The following PI4KB variants were observed in gnomAD, a reference collection of about 807,000 sequenced individuals.
The protein encoded by PI4KB is PtdIns 4-kinase beta.
A neutral mutation model predicts 81.4 loss-of-function variants in PI4KB; 23 were observed. The observed-to-expected ratio is 0.28, with a 90% CI of 0.20 to 0.40. The LOEUF (loss-of-function observed/expected upper bound fraction) is 0.40, where lower values mean the gene tolerates loss of function less well. Ranked by LOEUF, PI4KB falls within the 10% of genes least tolerant of loss-of-function variation. The pLI, the probability that PI4KB is intolerant of heterozygous loss-of-function variation, is 1.00. For synonymous variants in PI4KB, 381 were observed against 406.8 expected (o/e 0.94, Z 0.76); for missense variants, 651 against 1,036.6 (o/e 0.63, Z 5.11).
intron 1 of PI4KB, 134 bp downstream of exon 1, chr1:151,327,137 G>C: frequency 2.5e-6 from 1 of 394,032 alleles, no homozygotes. Context: ...AAGGAACCCG[G>C]GGTGCAGCTG....
At chr1:151,313,635 T>C (rs898530898) in intron 2 of PI4KB, among the ~76,000 whole-genome samples, 2 of 152,238 alleles carry the variant, frequency 1.3e-5, no homozygotes, top group Non-Finnish European at 2.9e-5. Context: ...TGGATGACTC[T>C]TCTTGTTCTG....
At chr1:151,314,755 G>C (rs956409371) in intron 2 of PI4KB, among the ~76,000 whole-genome samples, 2 of 152,206 alleles carry the variant, frequency 1.3e-5, no homozygotes, top group African/African-American at 4.8e-5. Flanking sequence ...TCAGAGGGTA[G>C]TGAAAAGGGA....
intron 1 of PI4KB, among the ~76,000 whole-genome samples, chr1:151,323,283 T>C (rs1463248361): frequency 6.6e-6 from 1 of 151,908 alleles, no homozygotes; most frequent in African/African-American, 2.4e-5. Context: ...GGCGGGTGGA[T>C]CACCTGAGGT....
In PI4KB at chr1:151,294,154, A is replaced by C. The variant is rs746096457; in HGVS notation, c.2149-16T>G. The C allele has an allele frequency of 7.5e-6, 12 of 1,608,684 alleles. No homozygotes were observed. Among genetic ancestry groups the C allele is most frequent in the Non-Finnish European group, 1.0e-5 (12 of 1,177,126 alleles). ...CGCCCATCACCTGGAAAGGGAAGAG[A>C]GCGTTGTGTGCACAAGGGGTCTTAC... On this transcript the variant is annotated splice_polypyrimidine_tract_variant and intron_variant, in intron 10 of 11. Transcript: ENST00000368873.
intron 2 of PI4KB, among the ~76,000 whole-genome samples, chr1:151,310,752 G>A (rs1696153340): frequency 6.6e-6 from 1 of 152,148 alleles, no homozygotes; most frequent in Non-Finnish European, 1.5e-5. Flanking sequence ...CAGGGAGGAA[G>A]AAAAGCTAAA....
At chr1:151,325,160 T>C (rs561450798) in intron 1 of PI4KB, among the ~76,000 whole-genome samples, 2 of 151,830 alleles carry the variant, frequency 1.3e-5, no homozygotes, top group South Asian at 4.2e-4. Context: ...CCCGGCTAAT[T>C]TTTTGTATTT....
At chr1:151,318,468 T>G (rs575770480) in intron 1 of PI4KB, among the ~76,000 whole-genome samples, 50 of 148,024 alleles carry the variant, frequency 3.4e-4, no homozygotes, top group Non-Finnish European at 6.8e-4. Context: ...ATCCCAGCAC[T>G]TTGGGAGGCT....
At chr1:151,293,786 T>C (rs1460129632) in intron 11 of PI4KB, 6 of 493,062 alleles carry the variant, frequency 1.2e-5, no homozygotes, top group Non-Finnish European at 2.2e-5. Flanking sequence ...TCCCTAAAGA[T>C]GCCAAGGAGG....
intron 3 of PI4KB, 104 bp from the exon 4 acceptor site, chr1:151,307,905 C>A (rs1695919558): frequency 3.7e-6 from 3 of 807,310 alleles, no homozygotes; most frequent in Non-Finnish European, 6.2e-6. Context: ...ACCCCACTAT[C>A]TGGAGAACTC....
chr1:151,321,596 G>A (rs1648849516), intron 1 of PI4KB, among the ~76,000 whole-genome samples: 1 of 151,862 alleles, frequency 6.6e-6, no homozygotes, highest in Non-Finnish European at 1.5e-5. Context: ...TTTGTGGGCA[G>A]GGCATGGTGG....
At chr1:151,324,419 G>C (rs1649328058) in intron 1 of PI4KB, among the ~76,000 whole-genome samples, 1 of 152,138 alleles carries the variant, frequency 6.6e-6, no homozygotes, top group Admixed American at 6.6e-5. Flanking sequence ...TGACCTCAAT[G>C]GTAAAGGTAG....
intron 1 of PI4KB, among the ~76,000 whole-genome samples, chr1:151,318,698 C>T (rs552141100): frequency 1.1e-4 from 17 of 148,020 alleles, no homozygotes; most frequent in East Asian, 3.9e-4. Flanking sequence ...GGCAACAGAG[C>T]GAAACTCTGT....
chr1:151,306,001 C>T, intron 5 of PI4KB, 135 bp downstream of exon 5: 1 of 639,464 alleles, frequency 1.6e-6, no homozygotes, highest in Non-Finnish European at 2.8e-6. Context: ...CCCCATATTA[C>T]CCCTCACTAC....
rs1247892104 is a variant in PI4KB at position 151,292,978 on chromosome 1, C to T, written c.2325G>A (p.Arg775=). ...GCTCCTCAGTCATGCTCATGTGGAACCTCTCTTTGAGGTTTCGAATGGTGC... is the reference window on the plus strand; with the variant it reads ...GCTCCTCAGTCATGCTCATGTGGAATCTCTCTTTGAGGTTTCGAATGGTGC... The part of the protein sequence containing the change: ...GSSTIRNLKE[R]FHMSMTEEQL... The change falls in exon 12 of 12, where the codon AGG becomes AGA. Residue 775 remains arginine, a synonymous_variant. Transcript: ENST00000368873. The T allele has an allele frequency of 7.4e-6, 12 of 1,614,088 alleles. No individual in the cohort carries two copies. The highest frequency in any genetic ancestry group is 1.3e-5 in the African/African-American group (1 of 74,922).
Position 151,292,940 on chromosome 1 carries a change from A to T in PI4KB, c.2363T>A (p.Leu788Gln). The T allele has an allele frequency of 6.2e-7, 1 of 1,614,196 alleles. No individual in the cohort carries two copies. Among genetic ancestry groups the T allele is most frequent in the Non-Finnish European group, 8.5e-7 (1 of 1,180,040 alleles). ...MSMTEEQLQL[L>Q]VEQMVDGSMR... is the part of the protein sequence containing the mutation. ...ACTGCCATCCACCATCTGCTCCACC[A>T]GCAGCTGCAGCTGCTCCTCAGTCAT... The change falls in exon 12 of 12, where the codon CTG becomes CAG. Residue 788 changes from leucine to glutamine, a missense_variant. Leu to Gln is a moderately radical substitution (Grantham distance 113). This residue lies in a region of PI4KB where 70 missense variants were observed against 108.1 expected (regional missense o/e 0.65). Transcript: ENST00000368873.
intron 9 of PI4KB, among the ~76,000 whole-genome samples, chr1:151,297,630 C>T (rs185948687): frequency 2.2e-4 from 33 of 151,926 alleles, no homozygotes; most frequent in South Asian, 8.3e-4. Flanking sequence ...CTCTGCCTCC[C>T]GGGTTCAAGT....
At chr1:151,295,789 C>T (rs1694743484) in intron 9 of PI4KB, among the ~76,000 whole-genome samples, 1 of 152,198 alleles carries the variant, frequency 6.6e-6, no homozygotes, top group African/African-American at 2.4e-5. Context: ...ATCTTCCAAA[C>T]ATACTAATTC....
intron 5 of PI4KB, among the ~76,000 whole-genome samples, chr1:151,305,168 G>T (rs1009189722): frequency 6.6e-6 from 1 of 152,160 alleles, no homozygotes; most frequent in Non-Finnish European, 1.5e-5. Context: ...GTTTCACCTT[G>T]TTGGCCAGGC....
At chr1:151,317,787 C>T (rs1243234920) in intron 1 of PI4KB, among the ~76,000 whole-genome samples, 3 of 151,944 alleles carry the variant, frequency 2.0e-5, no homozygotes, top group Non-Finnish European at 4.4e-5. Flanking sequence ...TAACATTCTA[C>T]ACACAGGTCC....
Sources: gnomAD v4.1 joint callset for allele counts (sites outside exome capture counted in the v4.1 genomes callset) on GRCh38, gnomAD v4.1.1 for gene constraint, gnomAD v4.1.1 regional missense constraint, MANE v1.5 for transcripts, NCBI Gene and HGNC (gene_info 2026-07-23, HGNC 2026-07-21) for gene names.